MRPL37: variants seen among roughly 807,000 people sequenced by gnomAD.
MRPL37 encodes the protein mitochondrial ribosomal protein L37, also known as large ribosomal subunit protein mL37.
A neutral mutation model predicts 44.1 loss-of-function variants in MRPL37; 34 were observed. That is an observed-to-expected ratio of 0.77 (90% confidence interval 0.59 to 1.03). MRPL37 has a LOEUF of 1.03. MRPL37 is among the 50% of genes least tolerant of loss of function. MRPL37 has a pLI of 0.00. For synonymous variants in MRPL37, 212 were observed against 219.5 expected (o/e 0.97, Z 0.30); for missense variants, 532 against 543.7 (o/e 0.98, Z 0.21).
chr1:54,207,693 G>A (rs1644133933), intron 3 of MRPL37, among the ~76,000 whole-genome samples: 1 of 152,160 alleles, frequency 6.6e-6, no homozygotes, highest in African/African-American at 2.4e-5. Flanking sequence ...GTTAAGAGAG[G>A]TCCATGCACA....
intron 6 of MRPL37, among the ~76,000 whole-genome samples, chr1:54,216,892 G>C (rs1644201653): frequency 6.8e-6 from 1 of 147,584 alleles, no homozygotes; most frequent in Admixed American, 6.9e-5. Context: ...AGAACTCCAA[G>C]CTCCTAGATC....
chr1:54,210,090 A>C lies in MRPL37; in HGVS notation c.791A>C (p.Asp264Ala). 6.2e-7 allele frequency: 1 copy of C among 1,614,148 alleles called. No individual in the cohort carries two copies. Among genetic ancestry groups the C allele is most frequent in the Non-Finnish European group, 8.5e-7 (1 of 1,180,012 alleles). Residue 264 changes from aspartate (D) to alanine (A), a missense_variant, in exon 4 of 7, where the codon GAT becomes GCT. Physicochemically the swap from Asp to Ala is moderately radical, Grantham distance 126. Transcript: ENST00000360840. ...TTCTACCCCATATCACCCATCATCGATCTTCATGAATGCAATATTTATGAT... is the reference window on the plus strand; with the variant it reads ...TTCTACCCCATATCACCCATCATCGCTCTTCATGAATGCAATATTTATGAT... ...ETFYPISPII[D>A]LHECNIYDVK...
intron 3 of MRPL37, 89 bp from the exon 4 acceptor site, chr1:54,209,857 A>G (rs770767068): frequency 3.6e-6 from 5 of 1,397,340 alleles, no homozygotes; most frequent in Non-Finnish European, 4.9e-6. Context: ...TTGGCCTCCC[A>G]AAGTGCTGGG....
At position 54,210,231 on chromosome 1, in the gene MRPL37, C is replaced by G. The variant is rs1644154595; in HGVS notation, c.832+100C>G. The G allele has an allele frequency of 5.9e-6, 7 of 1,183,664 alleles. No homozygotes were observed. The Admixed American group carries it at 1.4e-4, about 24-fold the overall frequency. 73.3% of individuals were successfully genotyped at this position (1,183,664 alleles called of 1,614,324 possible). A position where few individuals can be genotyped will look rare whatever the true frequency, so the allele number is the denominator to read the frequency against. Reference sequence around the variant, plus strand: ...CTAAGAACTTGCTAGGTGCTAGGCACCTCGTGTGTATTACCTATCTCCTAG... The same window carrying G: ...CTAAGAACTTGCTAGGTGCTAGGCAGCTCGTGTGTATTACCTATCTCCTAG... On this transcript the variant is annotated intron_variant, in intron 4 of 6. Transcript: ENST00000360840.
At chr1:54,205,478 C>G (rs917586117) in intron 3 of MRPL37, 68 bp downstream of exon 3, 3 of 1,295,318 alleles carry the variant, frequency 2.3e-6, no homozygotes, top group Non-Finnish European at 3.3e-6. Flanking sequence ...AACCCCACCA[C>G]CAGCTCCCAT....
In MRPL37 at chr1:54,218,316, G is replaced by A. The variant is rs35021811; in HGVS notation, c.*67G>A. On this transcript the variant is annotated 3_prime_UTR_variant, in exon 7 of 7. Coordinates refer to ENST00000360840, the MANE Select transcript of MRPL37 (RefSeq NM_016491.4). Reference sequence around the variant, plus strand: ...TTCCACGGAAGAGGGCCTGGGCCCCGTGGAGCCTCAGTGCCCGTTTGGCCT... The same window carrying A: ...TTCCACGGAAGAGGGCCTGGGCCCCATGGAGCCTCAGTGCCCGTTTGGCCT... The A allele has an allele frequency of 5.6e-6, 9 of 1,611,126 alleles. No homozygotes were observed. The highest frequency in any genetic ancestry group is 4.5e-5 in the East Asian group (2 of 44,858).
Position 54,210,086 on chromosome 1 carries a change from A to G in MRPL37, c.787A>G (p.Ile263Val), listed in dbSNP as rs753684039. ...LETFYPISPI[I>V]DLHECNIYDV... is the part of the protein sequence containing the mutation. ...GACCTTCTACCCCATATCACCCATC[A>G]TCGATCTTCATGAATGCAATATTTA... is the stretch of plus-strand genomic sequence containing the variant. The change falls in exon 4 of 7, where the codon ATC becomes GTC. Residue 263 changes from isoleucine (I) to valine (V), a missense_variant. Transcript: ENST00000360840. 8 of 1,614,046 alleles carry G rather than the reference A, an allele frequency of 5.0e-6. No individual in the cohort carries two copies. In the African/African-American group the frequency reaches 6.7e-5, roughly 13 times the overall value.
rs773599341 is a variant in MRPL37, at chr1:54,209,935, C to A, written c.647-11C>A. 1 of 1,611,436 alleles carries A rather than the reference C, an allele frequency of 6.2e-7. No individual in the cohort carries two copies. The highest frequency in any genetic ancestry group is 8.5e-7 in the Non-Finnish European group (1 of 1,179,122). On this transcript the variant is annotated splice_polypyrimidine_tract_variant and intron_variant, in intron 3 of 6. Transcript: ENST00000360840. ...GTACCAGGTTAGAGTAACCATTTTTCTCCCTTTTAGAGTCTCTTCTCCTTC... is the reference window on the plus strand; with the variant it reads ...GTACCAGGTTAGAGTAACCATTTTTATCCCTTTTAGAGTCTCTTCTCCTTC...
chr1:54,209,934 T>C lies in MRPL37; in HGVS notation c.647-12T>C. 1 of 1,612,830 alleles carries C rather than the reference T, an allele frequency of 6.2e-7. No homozygotes were observed. Among genetic ancestry groups the C allele is most frequent in the Non-Finnish European group, 8.5e-7 (1 of 1,179,450 alleles). ...AGTACCAGGTTAGAGTAACCATTTT[T>C]CTCCCTTTTAGAGTCTCTTCTCCTT... On this transcript the variant is annotated splice_polypyrimidine_tract_variant and intron_variant, in intron 3 of 6. Transcript: ENST00000360840.
intron 1 of MRPL37, among the ~76,000 whole-genome samples, chr1:54,201,331 A>G (rs1312658227): frequency 1.3e-5 from 2 of 152,196 alleles, no homozygotes; most frequent in Non-Finnish European, 2.9e-5. Context: ...AATAAATCCT[A>G]GGTTTGAGAA....
rs146317865 is a variant in MRPL37, at chr1:54,212,645, G to A, written c.977G>A (p.Arg326Gln). 203 of 1,614,186 alleles carry A rather than the reference G, an allele frequency of 1.3e-4. No individual in the cohort carries two copies. In the African/African-American group the frequency reaches 2.1e-3, roughly 17 times the overall value. ...FAFGSALAQA[R>Q]LLYGNDAKVL... is the part of the protein sequence containing the mutation. ...TTTGGCAGTGCCCTGGCTCAGGCCCGGCTCCTCTATGGGGTATGTAGGTGG... is the reference window on the plus strand; with the variant it reads ...TTTGGCAGTGCCCTGGCTCAGGCCCAGCTCCTCTATGGGGTATGTAGGTGG... The change falls in exon 5 of 7, where the codon CGG becomes CAG. Residue 326 changes from arginine (R) to glutamine (Q), a missense_variant. Transcript: ENST00000360840.
chr1:54,216,300 C>T lies in MRPL37; in HGVS notation c.1150C>T (p.Gln384Ter). 1 of 1,614,172 alleles carries T rather than the reference C, an allele frequency of 6.2e-7. No individual in the cohort carries two copies. Among genetic ancestry groups the T allele is most frequent in the Non-Finnish European group, 8.5e-7 (1 of 1,180,042 alleles). Residue 384 changes from glutamine to a stop codon, truncating the protein, a stop_gained, in exon 6 of 7, where the codon CAG becomes TAG. Coordinates refer to ENST00000360840, the MANE Select transcript of MRPL37 (RefSeq NM_016491.4). LOFTEE classifies it high-confidence loss of function. ...AWVDSDQLLY[Q>*]HFWCLPVIKK... is the part of the protein sequence containing the mutation. ...GGTGGACTCAGACCAGCTCCTCTAT[C>T]AGCATTTTTGGTGTCTCCCAGTGAT...
At chr1:54,224,545 G>A (rs1160995241), downstream of MRPL37, among the ~76,000 whole-genome samples, 1 of 152,216 alleles carries the variant, frequency 6.6e-6, no homozygotes, top group African/African-American at 2.4e-5. Flanking sequence ...CACACAGCAA[G>A]TTGCAGCAAA....
intron 1 of MRPL37, among the ~76,000 whole-genome samples, chr1:54,202,762 G>A (rs1170884457): frequency 1.3e-5 from 2 of 152,138 alleles, no homozygotes; most frequent in Non-Finnish European, 2.9e-5. Flanking sequence ...GAGTGCTGAG[G>A]TTATAGGTAT....
chr1:54,223,047 G>A (rs1450445627), downstream of MRPL37, among the ~76,000 whole-genome samples: 1 of 152,208 alleles, frequency 6.6e-6, no homozygotes, highest in Non-Finnish European at 1.5e-5. Context: ...CCAAGGGCAT[G>A]GCTGAATTCC....
rs1296670717 is a variant in MRPL37 at position 54,200,596 on chromosome 1, CCCCAGGACGGGCGG to C, written c.346+9_346+22del. The C allele has an allele frequency of 6.9e-6, 11 of 1,583,922 alleles. No homozygotes were observed. The highest frequency in any genetic ancestry group is 8.6e-6 in the Non-Finnish European group (10 of 1,160,532). On this transcript the variant is annotated splice_region_variant and intron_variant, in intron 1 of 6. Coordinates refer to ENST00000360840, the MANE Select transcript of MRPL37 (RefSeq NM_016491.4). ...CGTTGCCGCCTTCTCGAGGGTGAGG[CCCCAGGACGGGCGG>C]CAAGGGACCGTGTTCCTCTAACCAG... is the stretch of plus-strand genomic sequence containing the variant.
At chr1:54,222,626 G>A (rs962260997), downstream of MRPL37, among the ~76,000 whole-genome samples, 8 of 152,034 alleles carry the variant, frequency 5.3e-5, no homozygotes, top group Non-Finnish European at 1.0e-4. Context: ...GCCTTTGTGG[G>A]TCCCTCCTAT....
intron 6 of MRPL37, among the ~76,000 whole-genome samples, chr1:54,216,842 G>A (rs1644201294): frequency 6.6e-6 from 1 of 152,138 alleles, no homozygotes; most frequent in Non-Finnish European, 1.5e-5. Flanking sequence ...ACATTGCTGT[G>A]CGTAGAACCT....
At chr1:54,205,588 T>G (rs545868431) in intron 3 of MRPL37, among the ~76,000 whole-genome samples, 178 bp downstream of exon 3, 2 of 152,328 alleles carry the variant, frequency 1.3e-5, no homozygotes, top group South Asian at 2.1e-4. Flanking sequence ...CCCAACCATT[T>G]TTGTTTTTAA....
Sources: allele counts gnomAD v4.1 joint callset (sites outside exome capture counted in the v4.1 genomes callset), GRCh38; gene constraint gnomAD v4.1.1; transcripts MANE v1.5; gene names NCBI Gene and HGNC (gene_info 2026-07-23, HGNC 2026-07-21).